Variants in SCN9A observed in about 807,000 individuals in gnomAD.
SCN9A encodes sodium voltage-gated channel alpha subunit 9.
In SCN9A, 131 loss-of-function variants were observed where a neutral mutation model predicts 187.0. The observed-to-expected ratio is 0.70, with a 90% CI of 0.61 to 0.81. The LOEUF is 0.81. Among genes scored for constraint, SCN9A ranks in the 30% least tolerant of loss-of-function variants. SCN9A has a pLI of 0.00. For missense variants in SCN9A, 2,252 were observed against 2,396.6 expected (o/e 0.94, Z 1.26); for synonymous variants, 809 against 808.6 (o/e 1.00, Z -0.01).
At chr2:166,326,149 C>T (rs1266188890) in intron 1 of SCN9A, among the ~76,000 whole-genome samples, 3 of 151,922 alleles carry the variant, frequency 2.0e-5, no homozygotes, top group Non-Finnish European at 2.9e-5. Flanking sequence ...ACCTGGCCTC[C>T]GATTGAATAA....
At chr2:166,258,058 T>G (rs1364220164) in intron 17 of SCN9A, among the ~76,000 whole-genome samples, 2 of 151,486 alleles carry the variant, frequency 1.3e-5, no homozygotes, top group Non-Finnish European at 3.0e-5. Flanking sequence ...CATTGCACAA[T>G]AGATAACAAT....
chr2:166,314,502 G>A (rs904805639), intron 1 of SCN9A, among the ~76,000 whole-genome samples: 4 of 152,076 alleles, frequency 2.6e-5, no homozygotes, highest in Admixed American at 2.6e-4. Context: ...ACACAAGAAC[G>A]TTTACATGAA....
intron 17 of SCN9A, among the ~76,000 whole-genome samples, chr2:166,270,628 G>A (rs1008660225): frequency 3.3e-5 from 5 of 151,302 alleles, no homozygotes; most frequent in African/African-American, 1.2e-4. Flanking sequence ...TTAATCTTAT[G>A]TATTGATTTT....
intron 24 of SCN9A, among the ~76,000 whole-genome samples, chr2:166,219,826 AATG>A (rs1479368500): frequency 4.6e-5 from 7 of 152,180 alleles, no homozygotes; most frequent in African/African-American, 1.4e-4. Flanking sequence ...ACCACAAAAA[AATG>A]ATAAGTGGGT....
chr2:166,358,080 TTATTTTG>T (rs1700194147), intron 1 of SCN9A, among the ~76,000 whole-genome samples: 1 of 132,600 alleles, frequency 7.5e-6, no homozygotes. Flanking sequence ...ATTTATTTAT[TTATTTTG>T]AGATGGAGTC....
At chr2:166,207,729 C>T (rs1693882296) in intron 24 of SCN9A, among the ~76,000 whole-genome samples, 1 of 152,168 alleles carries the variant, frequency 6.6e-6, no homozygotes, top group Non-Finnish European at 1.5e-5. Flanking sequence ...GCGTGAGCCA[C>T]CATATCCGGC....
intron 1 of SCN9A, among the ~76,000 whole-genome samples, chr2:166,351,894 C>T (rs1184876947): frequency 6.6e-6 from 1 of 151,894 alleles, no homozygotes; most frequent in African/African-American, 2.4e-5. Flanking sequence ...TGTTTATGTG[C>T]AAAATAATGC....
chr2:166,255,080 C>A (rs992553327), intron 17 of SCN9A, among the ~76,000 whole-genome samples: 1 of 150,520 alleles, frequency 6.6e-6, no homozygotes, highest in African/African-American at 2.4e-5. Flanking sequence ...CTTGATTCAA[C>A]CCCCTTGAGG....
chr2:166,208,311 A>T (rs538210095), intron 24 of SCN9A, among the ~76,000 whole-genome samples: 19 of 152,302 alleles, frequency 1.2e-4, no homozygotes, highest in African/African-American at 4.3e-4. Context: ...TTTAAGTAAA[A>T]CCACCTCATC....
At chr2:166,350,547 A>G (rs555471824) in intron 1 of SCN9A, among the ~76,000 whole-genome samples, 1 of 152,342 alleles carries the variant, frequency 6.6e-6, no homozygotes, top group South Asian at 2.1e-4. Context: ...TCACTAATGA[A>G]ATTTTGTAAA....
At chr2:166,228,247 C>CTTTTTTTTTTTTTTTTTTTT (rs33924683) in intron 22 of SCN9A, among the ~76,000 whole-genome samples, 3 of 85,972 alleles carry the variant, frequency 3.5e-5, no homozygotes, top group African/African-American at 1.4e-4. Flanking sequence ...AAGACCAACA[C>CTTTTTTTTTTTTTTTTTTTT]TTTTTTTTTT....
At chr2:166,222,956 A>AAC (rs1694675628) in intron 24 of SCN9A, among the ~76,000 whole-genome samples, 7 of 145,000 alleles carry the variant, frequency 4.8e-5, no homozygotes, top group African/African-American at 5.0e-5. Flanking sequence ...AAAAAAAAAA[A>AAC]AAAAAAAAAA....
intron 9 of SCN9A, 129 bp from the exon 10 acceptor site, chr2:166,288,772 G>C (rs1325087503): frequency 4.9e-6 from 3 of 617,304 alleles, no homozygotes; most frequent in Non-Finnish European, 7.9e-6. Flanking sequence ...AAAGAGAAAA[G>C]TTATATCTTC....
chr2:166,339,607 A>G (rs1268744466), intron 1 of SCN9A, among the ~76,000 whole-genome samples: 1 of 152,134 alleles, frequency 6.6e-6, no homozygotes, highest in African/African-American at 2.4e-5. Flanking sequence ...CTTTCACCCC[A>G]ATAAATGATA....
Position 166,272,521 on chromosome 2 carries a change from G to A in SCN9A, c.3229C>T (p.Gln1077Ter), listed in dbSNP as rs1553486633. 1 of 1,613,272 alleles carries A rather than the reference G, an allele frequency of 6.2e-7. No individual in the cohort carries two copies. The highest frequency in any genetic ancestry group is 8.5e-7 in the Non-Finnish European group (1 of 1,179,604). The stretch of plus-strand genomic sequence containing the variant: ...AGGCTGGGATTGTGAATAAATGATT[G>A]ACCATCACTGTCTTCCATCAAGTGT... ...DKHLMEDSDG[Q>*]SFIHNPSLTV... The change falls in exon 17 of 27, where the codon CAA (glutamine) becomes TAA (stop). Residue 1077 changes from glutamine to a stop codon, truncating the protein, a stop_gained. Transcript: ENST00000642356. LOFTEE classifies it high-confidence loss of function.
chr2:166,206,341 A>G (rs1390232357), intron 24 of SCN9A, among the ~76,000 whole-genome samples: 1 of 152,226 alleles, frequency 6.6e-6, no homozygotes, highest in Admixed American at 6.5e-5. Context: ...GCCATAAAAA[A>G]GGATGAGTTC....
intron 1 of SCN9A, among the ~76,000 whole-genome samples, chr2:166,330,060 C>T (rs1469567684): frequency 1.3e-5 from 2 of 152,152 alleles, no homozygotes; most frequent in Admixed American, 6.6e-5. Flanking sequence ...GTCTAGTCTT[C>T]AAACTATTCT....
intron 7 of SCN9A, among the ~76,000 whole-genome samples, chr2:166,299,465 C>T (rs1389185801): frequency 6.6e-6 from 1 of 150,920 alleles, no homozygotes; most frequent in South Asian, 2.1e-4. Flanking sequence ...TGATTCTACA[C>T]AAGCACATCT....
chr2:166,316,188 A>C (rs1699102605), intron 1 of SCN9A, among the ~76,000 whole-genome samples: 1 of 152,214 alleles, frequency 6.6e-6, no homozygotes, highest in South Asian at 2.1e-4. Flanking sequence ...CATAAAATTT[A>C]GTAAAAAACA....
Sources: allele counts gnomAD v4.1 joint callset (sites outside exome capture counted in the v4.1 genomes callset), GRCh38; gene constraint gnomAD v4.1.1; transcripts MANE v1.5; gene names NCBI Gene and HGNC (gene_info 2026-07-23, HGNC 2026-07-21).